The following RNF166 variants were observed in gnomAD, a reference collection of about 807,000 sequenced individuals.
The protein encoded by RNF166 is ring finger protein 166, also known as E3 ubiquitin-protein ligase RNF166.
In RNF166, 19 loss-of-function variants were observed where a neutral mutation model predicts 29.4. The observed-to-expected ratio is 0.65, with a 90% CI of 0.45 to 0.95. RNF166 has a LOEUF of 0.95. RNF166 is among the 40% of genes least tolerant of loss of function. The pLI is 0.00. For missense variants in RNF166, 347 were observed against 322.1 expected, an observed-to-expected ratio of 1.08 and a Z score of -0.59; for synonymous variants, 171 against 134.5, an observed-to-expected ratio of 1.27 and a Z score of -1.88.
At position 88,699,096 on chromosome 16, in the gene RNF166, G is replaced by T; in HGVS notation, c.426-11C>A. 2 of 1,576,422 alleles carry T rather than the reference G, an allele frequency of 1.3e-6. No individual in the cohort carries two copies. The highest frequency in any genetic ancestry group is 1.7e-6 in the Non-Finnish European group (2 of 1,154,088). The stretch of plus-strand genomic sequence containing the variant: ...CTGTTGGGGATGTTGCTGGCGGGGC[G>T]GGGGTAGAGTGAGTGGCACGGCTAG... On this transcript the variant is annotated splice_polypyrimidine_tract_variant and intron_variant, in intron 3 of 5. Coordinates refer to ENST00000312838, the MANE Select transcript of RNF166 (RefSeq NM_178841.4).
At chr16:88,703,313 T>C in intron 1 of RNF166, 1 of 985,400 alleles carries the variant, frequency 1.0e-6, no homozygotes, top group South Asian at 4.7e-5. Context: ...GAGTGAACCC[T>C]GAGCTGCCAG....
chr16:88,703,580 C>G, intron 1 of RNF166: 3 of 985,488 alleles, frequency 3.0e-6, no homozygotes, highest in Non-Finnish European at 3.6e-6. Context: ...TTTCCAGTGA[C>G]TGCCAGCCTG....
At chr16:88,703,186 T>C (rs1197424862) in intron 1 of RNF166, 1 of 981,102 alleles carries the variant, frequency 1.0e-6, no homozygotes, top group Non-Finnish European at 1.2e-6. Flanking sequence ...GACGGGTGGG[T>C]GCCAGGCGAG....
chr16:88,700,622 A>G (rs1429495127), intron 2 of RNF166: 3 of 986,046 alleles, frequency 3.0e-6, no homozygotes, highest in Non-Finnish European at 3.6e-6. Flanking sequence ...AATCACCTCT[A>G]GCTGCTCAGT....
At chr16:88,702,745 G>C (rs1365591364) in intron 1 of RNF166, 1 of 985,312 alleles carries the variant, frequency 1.0e-6, no homozygotes, top group Admixed American at 6.1e-5. Flanking sequence ...TTTTTCTGCA[G>C]AGTAAAGAGG....
intron 1 of RNF166, among the ~76,000 whole-genome samples, chr16:88,701,992 G>C (rs1910286291): frequency 6.6e-6 from 1 of 152,210 alleles, no homozygotes; most frequent in Non-Finnish European, 1.5e-5. Flanking sequence ...GGCAGGAGGG[G>C]GTCCTGCTCC....
rs35639468 is a variant in RNF166 at position 88,696,524 on chromosome 16, CT to C, written c.*1043del. On this transcript the variant is annotated 3_prime_UTR_variant, in exon 6 of 6. Transcript: ENST00000312838. ...GATGCTCTGAGACATTTTATTTAAA[CT>C]TTTTTTTTTAAAAAAAAGACAGCAA... The C allele has an allele frequency of 0.22, 87,324 of 398,452 alleles. 9,709 individuals carry two copies. Among genetic ancestry groups the C allele is most frequent in the South Asian group, 0.27 (15,117 of 55,538 alleles). 24.7% of individuals were successfully genotyped at this position (398,452 alleles called of 1,614,324 possible). A position where few individuals can be genotyped will look rare whatever the true frequency, so the allele number is the denominator to read the frequency against.
In RNF166 at chr16:88,697,409, T is replaced by C. The variant is rs532995484; in HGVS notation, c.*159A>G. 8.8e-5 allele frequency: 50 copies of C among 565,818 alleles called. No homozygotes were observed. In the Admixed American group the frequency reaches 1.5e-3, roughly 17 times the overall value. The allele number at this position is 565,818 out of a possible 1,614,324, so 35.0% of individuals were successfully genotyped here. On this transcript the variant is annotated 3_prime_UTR_variant, in exon 6 of 6. Coordinates refer to ENST00000312838, the MANE Select transcript of RNF166 (RefSeq NM_178841.4). ...TGGCGGCCTCGGCGGCTGGCCCGTATTCAGGCCCGGAGGCTCGGCCCCGGC... is the reference window on the plus strand; with the variant it reads ...TGGCGGCCTCGGCGGCTGGCCCGTACTCAGGCCCGGAGGCTCGGCCCCGGC...
At chr16:88,698,286 C>A (rs1403902140) in intron 5 of RNF166, 1 of 701,008 alleles carries the variant, frequency 1.4e-6, no homozygotes, top group East Asian at 2.7e-5. Context: ...CCCCGAGAGG[C>A]CTGGGCACCC....
At chr16:88,702,949 A>G in intron 1 of RNF166, 1 of 984,954 alleles carries the variant, frequency 1.0e-6, no homozygotes, top group Non-Finnish European at 1.2e-6. Flanking sequence ...CACTCATGGC[A>G]GGAGAAGCGG....
At chr16:88,699,365 G>A (rs1363966011) in intron 3 of RNF166, among the ~76,000 whole-genome samples, 5 of 152,228 alleles carry the variant, frequency 3.3e-5, no homozygotes, top group African/African-American at 4.8e-5. Context: ...GCTGGGAGGC[G>A]ATGTGTGGGC....
At chr16:88,704,927 T>G (rs186595988) in intron 1 of RNF166, among the ~76,000 whole-genome samples, 5 of 151,968 alleles carry the variant, frequency 3.3e-5, no homozygotes, top group Admixed American at 1.3e-4. Context: ...GAGATGGAGG[T>G]TGCGGTGAGC....
At chr16:88,703,467 G>C (rs1006594596) in intron 1 of RNF166, 1 of 985,524 alleles carries the variant, frequency 1.0e-6, no homozygotes, top group Non-Finnish European at 1.2e-6. Flanking sequence ...GAAGGACTCA[G>C]GAAAGACACA....
Position 88,699,651 on chromosome 16 carries a change from G to T in RNF166, c.394C>A (p.Pro132Thr), listed in dbSNP as rs1453323376. The change falls in exon 3 of 6, where the codon CCC (proline) becomes ACC (threonine). Residue 132 changes from proline to threonine, a missense_variant. Coordinates refer to ENST00000312838, the MANE Select transcript of RNF166 (RefSeq NM_178841.4). ...EQMANCPKFV[P>T]VVPTSQPIPS... ...ATAGGCTGTGATGTGGGCACCACGG[G>T]GACGAACTTGGGGCAGTTGGCCATC... 3 of 1,613,328 alleles carry T rather than the reference G, an allele frequency of 1.9e-6. No homozygotes were observed. The Admixed American group carries it at 5.0e-5, about 27-fold the overall frequency.
At position 88,706,201 on chromosome 16, in the gene RNF166, CGGTGATAG is replaced by C; in HGVS notation, c.117_124del (p.Tyr40AlafsTer179). 7.7e-7 allele frequency: 1 copy of C among 1,305,898 alleles called. No homozygotes were observed. The highest frequency in any genetic ancestry group is 1.8e-5 in the South Asian group (1 of 54,652). The allele number at this position is 1,305,898 out of a possible 1,614,324, so 80.9% of individuals were successfully genotyped here. A position where few individuals can be genotyped will look rare whatever the true frequency, so the allele number is the denominator to read the frequency against. ...GCCGCAGCTGCCGATGGCCACGGGC[CGGTGATAG>C]ACCTCCAGGCAGATGGGGCAGGTGT... On this transcript the variant is annotated frameshift_variant, in exon 1 of 6. Coordinates refer to ENST00000312838, the MANE Select transcript of RNF166 (RefSeq NM_178841.4). LOFTEE classifies it high-confidence loss of function.
Position 88,699,842 on chromosome 16 carries a change from G to C in RNF166, c.313-110C>G, listed in dbSNP as rs544076820. On this transcript the variant is annotated intron_variant, in intron 2 of 5. Coordinates refer to ENST00000312838, the MANE Select transcript of RNF166 (RefSeq NM_178841.4). ...ACCAGAGAACTGTAAGCAAGCGTCT[G>C]TGTTGCCAGCAGCAGGGGGACCCGG... 9.5e-5 allele frequency: 67 copies of C among 701,836 alleles called. No individual in the cohort carries two copies. The African/African-American group carries it at 1.1e-3, about 11-fold the overall frequency. The allele number at this position is 701,836 out of a possible 1,614,324, so 43.5% of individuals were successfully genotyped here.
At chr16:88,700,977 T>A in intron 2 of RNF166, 1 of 1,315,018 alleles carries the variant, frequency 7.6e-7, no homozygotes, top group Non-Finnish European at 9.7e-7. Context: ...CCCCTGGTCC[T>A]TACCCTGGCC....
In RNF166 at chr16:88,706,217, G is replaced by A. The variant is rs1273971553; in HGVS notation, c.109C>T (p.Leu37=). 1.5e-6 allele frequency: 2 copies of A among 1,320,228 alleles called. No homozygotes were observed. Among genetic ancestry groups the A allele is most frequent in the Admixed American group, 3.3e-5 (1 of 30,078 alleles). 81.8% of individuals were successfully genotyped at this position (1,320,228 alleles called of 1,614,324 possible). A position where few individuals can be genotyped will look rare whatever the true frequency, so the allele number is the denominator to read the frequency against. ...LEAQYTCPIC[L]EVYHRPVAIG... ...GCCACGGGCCGGTGATAGACCTCCA[G>A]GCAGATGGGGCAGGTGTACTGCGCC... is the stretch of plus-strand genomic sequence containing the variant. Residue 37 remains leucine (L), a synonymous_variant, in exon 1 of 6, where the codon CTG becomes TTG. Transcript: ENST00000312838.
At chr16:88,704,189 G>A (rs1191335750) in intron 1 of RNF166, 10 of 985,320 alleles carry the variant, frequency 1.0e-5, no homozygotes, top group Non-Finnish European at 1.2e-5. Flanking sequence ...ACTTCCGAAG[G>A]GAACCTGAAG....
Sources: gnomAD v4.1 joint callset for allele counts (sites outside exome capture counted in the v4.1 genomes callset) on GRCh38, gnomAD v4.1.1 for gene constraint, MANE v1.5 for transcripts, NCBI Gene and HGNC (gene_info 2026-07-23, HGNC 2026-07-21) for gene names.